The following ST6GALNAC6 variants were observed in gnomAD, a reference collection of about 807,000 sequenced individuals.
ST6GALNAC6 encodes ST6 N-acetylgalactosaminide alpha-2,6-sialyltransferase 6, also known as alpha-N-acetylgalactosaminide alpha-2,6-sialyltransferase 6.
Under a neutral mutation model 34.3 loss-of-function variants are expected in ST6GALNAC6, and 19 were observed. That is an observed-to-expected ratio of 0.55 (90% CI 0.39 to 0.81). The LOEUF (loss-of-function observed/expected upper bound fraction) is 0.81, where lower values mean the gene tolerates loss of function less well. Among genes scored for constraint, ST6GALNAC6 ranks in the 40% least tolerant of loss-of-function variants. The pLI is 0.00. For synonymous variants in ST6GALNAC6, 185 were observed against 182.1 expected, an observed-to-expected ratio of 1.02 and a Z score of -0.13; for missense variants, 377 against 467.7, an observed-to-expected ratio of 0.81 and a Z score of 1.79.
At position 127,894,564 on chromosome 9, in the gene ST6GALNAC6, T is replaced by C. The variant is rs753628014; in HGVS notation, c.245A>G (p.Asn82Ser). Residue 82 changes from asparagine (N) to serine (S), a missense_variant, in exon 4 of 7, where the codon AAC (asparagine) becomes AGC (serine). By Grantham distance (46) the Asn-to-Ser change is conservative. Coordinates refer to ENST00000373146, the MANE Select transcript of ST6GALNAC6 (RefSeq NM_013443.5). ...SLRGRSRRPVNLKKWSITDGY... is the reference protein window; with the variant it reads ...SLRGRSRRPVSLKKWSITDGY... ...GTCAGTGATGCTCCACTTCTTGAGG[T>C]TGACAGGTCGGCGGCTACGGCCCCG... 7 of 1,614,132 alleles carry C rather than the reference T, an allele frequency of 4.3e-6. No homozygotes were observed. The Admixed American group carries it at 5.0e-5, about 12-fold the overall frequency.
Position 127,887,596 on chromosome 9 carries a change from G to T in ST6GALNAC6, c.705-5C>A. On this transcript the variant is annotated splice_polypyrimidine_tract_variant and splice_region_variant and intron_variant, in intron 5 of 6. Transcript: ENST00000373146. ...AACCACGAATGAGACTTCTCCCTGG[G>T]GATGGAGAGGGGTCACGATGAGGGC... 2 of 1,605,566 alleles carry T rather than the reference G, an allele frequency of 1.2e-6. No homozygotes were observed. The highest frequency in any genetic ancestry group is 2.2e-5 in the East Asian group (1 of 44,722).
At chr9:127,893,448 C>G (rs1308247855) in intron 4 of ST6GALNAC6, among the ~76,000 whole-genome samples, 1 of 152,184 alleles carries the variant, frequency 6.6e-6, no homozygotes, top group Non-Finnish European at 1.5e-5. Flanking sequence ...CACATACTCT[C>G]TGGGGTCTAT....
Position 127,886,599 on chromosome 9 carries a change from C to T in ST6GALNAC6, c.1002G>A (p.Ter334=), listed in dbSNP as rs765714830. The part of the protein sequence containing the change: ...GITFSHPSWT[*] The stretch of plus-strand genomic sequence containing the variant: ...CCTGAGGTCCCACAGGCTGGGTGGC[C>T]TAGGTCCAGGAGGGGTGGGAGAAGG... Residue 334 remains the stop codon, a stop_retained_variant, in exon 7 of 7, where the codon TAG becomes TAA. Transcript: ENST00000373146. 3.1e-6 allele frequency: 5 copies of T among 1,613,764 alleles called. No homozygotes were observed.
chr9:127,900,519 C>T (rs1830710022), upstream of ST6GALNAC6, among the ~76,000 whole-genome samples: 1 of 118,050 alleles, frequency 8.5e-6, no homozygotes, highest in Non-Finnish European at 1.6e-5. Context: ...GAGATCACGC[C>T]ATTGCACTCC....
chr9:127,892,319 A>G (rs770341690), intron 4 of ST6GALNAC6, among the ~76,000 whole-genome samples: 10 of 152,204 alleles, frequency 6.6e-5, no homozygotes, highest in Admixed American at 3.3e-4. Flanking sequence ...AGCAAAGATG[A>G]TAACAGCCGC....
Position 127,890,889 on chromosome 9 carries a change from G to C in ST6GALNAC6, c.452C>G (p.Thr151Ser), listed in dbSNP as rs777256660. ...GGAATGGGCCACGACGCGGTAGGTG[G>C]TCTTGTTGCCCACATCAGCTGAGTA... is the stretch of plus-strand genomic sequence containing the variant. ...TGYSADVGNKTTYRVVAHSSV... is the reference protein window; with the variant it reads ...TGYSADVGNKSTYRVVAHSSV... The change falls in exon 5 of 7, where the codon ACC becomes AGC. Residue 151 changes from threonine to serine, a missense_variant. Transcript: ENST00000373146. The surrounding 1 kb of genome is among the most constrained non-coding windows in gnomAD (Gnocchi z 4.3). 1.1e-5 allele frequency: 18 copies of C among 1,614,070 alleles called. No homozygotes were observed. Among genetic ancestry groups the C allele is most frequent in the Admixed American group, 1.7e-5 (1 of 60,002 alleles).
rs1180814579 is a variant in ST6GALNAC6, at chr9:127,887,469, G to T, written c.812+15C>A. The T allele has an allele frequency of 6.9e-6, 11 of 1,603,558 alleles. No homozygotes were observed. Among genetic ancestry groups the T allele is most frequent in the Non-Finnish European group, 9.4e-6 (11 of 1,173,442 alleles). On this transcript the variant is annotated intron_variant, in intron 6 of 6. Coordinates refer to ENST00000373146, the MANE Select transcript of ST6GALNAC6 (RefSeq NM_013443.5). Reference sequence around the variant, plus strand: ...TGGGTGTTGTCCTGGGAGGGCGCTGGCAAGGAGGGCTCACCTGCAGTAGTT... The same window carrying T: ...TGGGTGTTGTCCTGGGAGGGCGCTGTCAAGGAGGGCTCACCTGCAGTAGTT...
upstream of ST6GALNAC6, among the ~76,000 whole-genome samples, chr9:127,900,921 T>C (rs968809336): frequency 5.8e-5 from 8 of 137,266 alleles, no homozygotes; most frequent in African/African-American, 2.2e-4. Context: ...GAGGCAGAGA[T>C]TGCAGTGAGC....
chr9:127,886,369 T>G lies in ST6GALNAC6; in HGVS notation c.*230A>C. On this transcript the variant is annotated 3_prime_UTR_variant, in exon 7 of 7. Transcript: ENST00000373146. The stretch of plus-strand genomic sequence containing the variant: ...ACCCTGATTGACTGTGCGCAGACCC[T>G]GACTGCACAAGAAAGACACCCCTGA... 1 of 1,303,568 alleles carries G rather than the reference T, an allele frequency of 7.7e-7. No individual in the cohort carries two copies. Among genetic ancestry groups the G allele is most frequent in the Non-Finnish European group, 1.0e-6 (1 of 979,418 alleles). The allele number at this position is 1,303,568 out of a possible 1,614,324, so 80.8% of individuals were successfully genotyped here.
Position 127,886,769 on chromosome 9 carries a change from G to A in ST6GALNAC6, c.832C>T (p.Arg278Cys), listed in dbSNP as rs1299834932. Reference protein sequence around the residue: ...NYCSQRPRLQRMPYHYYEPKG... With the variant: ...NYCSQRPRLQCMPYHYYEPKG... Reference sequence around the variant, plus strand: ...GGCTCGTAGTAGTGGTAGGGCATGCGCTGGAGGCGGGGCCGCTGGCTGGGA... The same window carrying A: ...GGCTCGTAGTAGTGGTAGGGCATGCACTGGAGGCGGGGCCGCTGGCTGGGA... The change falls in exon 7 of 7, where the codon CGC becomes TGC. Residue 278 changes from arginine (R) to cysteine (C), a missense_variant. Transcript: ENST00000373146. The A allele has an allele frequency of 1.9e-6, 3 of 1,609,794 alleles. No individual in the cohort carries two copies. Among genetic ancestry groups the A allele is most frequent in the Non-Finnish European group, 2.5e-6 (3 of 1,177,384 alleles).
At chr9:127,899,430 C>A (rs896067620) in intron 1 of ST6GALNAC6, 73 bp downstream of exon 1, 1 of 777,704 alleles carries the variant, frequency 1.3e-6, no homozygotes, top group Non-Finnish European at 1.6e-6. Context: ...AATCTCCTCT[C>A]CCGGCGCCCT....
chr9:127,895,921 G>A (rs368621528), intron 3 of ST6GALNAC6, among the ~76,000 whole-genome samples: 11 of 152,100 alleles, frequency 7.2e-5, no homozygotes, highest in African/African-American at 1.9e-4. Flanking sequence ...CCCATTTCCC[G>A]CTCACCTCCA....
At chr9:127,891,127 A>C (rs1185604447) in intron 4 of ST6GALNAC6, 84 bp from the exon 5 acceptor site, 5 of 1,464,170 alleles carry the variant, frequency 3.4e-6, no homozygotes, top group Non-Finnish European at 4.6e-6. Context: ...AGGACCCAGG[A>C]ATTGTTATGC....
At chr9:127,893,731 A>G (rs1830282377) in intron 4 of ST6GALNAC6, among the ~76,000 whole-genome samples, 2 of 152,040 alleles carry the variant, frequency 1.3e-5, no homozygotes, top group African/African-American at 2.4e-5. Context: ...GTAGAGAAAG[A>G]CTCACTTAGG....
chr9:127,885,480 C>CGAA lies in ST6GALNAC6; in HGVS notation c.*1118_*1119insTTC, dbSNP rs1284429243. The CGAA allele has an allele frequency of 1.3e-5, 2 of 152,860 alleles. No individual in the cohort carries two copies. Among genetic ancestry groups the CGAA allele is most frequent in the Non-Finnish European group, 2.9e-5 (2 of 68,570 alleles). The allele number at this position is 152,860 out of a possible 1,614,324, so 9.5% of individuals were successfully genotyped here. A position where few individuals can be genotyped will look rare whatever the true frequency, so the allele number is the denominator to read the frequency against. On this transcript the variant is annotated 3_prime_UTR_variant, in exon 7 of 7. Transcript: ENST00000373146. ...GCCTCCTCCTGAAGCCCTTTCCTTCCAGGCTCCAGAAGAGCAGGAGACAAA... is the reference window on the plus strand; with the variant it reads ...GCCTCCTCCTGAAGCCCTTTCCTTCCGAAAGGCTCCAGAAGAGCAGGAGACAAA...
upstream of ST6GALNAC6, chr9:127,903,853 C>T (rs753684692): frequency 2.6e-5 from 4 of 152,304 alleles, no homozygotes; most frequent in Non-Finnish European, 4.4e-5. Context: ...CATCCTGTCC[C>T]CAGCCCTTCT....
intron 5 of ST6GALNAC6, among the ~76,000 whole-genome samples, chr9:127,889,169 T>C (rs1385290113): frequency 6.6e-6 from 1 of 152,012 alleles, no homozygotes; most frequent in Admixed American, 6.6e-5. Flanking sequence ...GCCAACACGG[T>C]GAAACCCTGT....
chr9:127,901,671 C>T (rs1216261467), upstream of ST6GALNAC6, among the ~76,000 whole-genome samples: 2 of 151,022 alleles, frequency 1.3e-5, no homozygotes, highest in Admixed American at 6.6e-5. Flanking sequence ...GTGGCTCAGC[C>T]CTGTAATCCC....
At chr9:127,887,622 A>C (rs1192813033) in intron 5 of ST6GALNAC6, 31 bp from the exon 6 acceptor site, 5 of 1,560,496 alleles carry the variant, frequency 3.2e-6, no homozygotes, top group Non-Finnish European at 4.4e-6. Context: ...CGATGAGGGC[A>C]CATGCAGGGA....
Sources: gnomAD v4.1 joint callset for allele counts (sites outside exome capture counted in the v4.1 genomes callset) on GRCh38, gnomAD v4.1.1 for gene constraint, Gnocchi (gnomAD v3.1) non-coding constraint, MANE v1.5 for transcripts, NCBI Gene and HGNC (gene_info 2026-07-23, HGNC 2026-07-21) for gene names.